Variants in RGS6 observed in about 807,000 individuals in gnomAD.
RGS6 encodes regulator of G-protein signaling 6.
A neutral mutation model predicts 78.5 loss-of-function variants in RGS6; 30 were observed. The observed-to-expected ratio is 0.38, with a 90% CI of 0.29 to 0.52. RGS6 has a LOEUF of 0.52. Ranked by LOEUF, RGS6 falls within the 20% of genes least tolerant of loss-of-function variation. The pLI is 0.85. For synonymous variants in RGS6, 206 were observed against 206.0 expected (o/e 1.00, Z 0.00); for missense variants, 495 against 609.7 (o/e 0.81, Z 1.98).
At chr14:72,573,393 C>T in the RGS6 span, among the ~76,000 whole-genome samples, 2,584 of 152,226 alleles carry the variant, frequency 0.017, 65 homozygotes, top group African/African-American at 0.058. Context: ...AGTTTATCTG[C>T]GGCAAATGTC....
chr14:72,293,802 A>G (rs2064134130), intron 2 of RGS6, among the ~76,000 whole-genome samples: 4 of 152,226 alleles, frequency 2.6e-5, no homozygotes, highest in Admixed American at 2.6e-4. Flanking sequence ...AGGCTTTGCA[A>G]ACCGTATAGT....
chr14:71,912,412 C>T, the RGS6 span, among the ~76,000 whole-genome samples: 1 of 152,108 alleles, frequency 6.6e-6, no homozygotes, highest in South Asian at 2.1e-4. Flanking sequence ...TGGTGACCAT[C>T]GTGTTCACAA....
At chr14:72,290,195 G>T (rs938477107) in intron 2 of RGS6, among the ~76,000 whole-genome samples, 3 of 152,154 alleles carry the variant, frequency 2.0e-5, no homozygotes, top group African/African-American at 7.2e-5. Flanking sequence ...CTTAGGACTG[G>T]ACTGATCTCC....
chr14:72,488,054 G>A (rs2096522276), intron 12 of RGS6, among the ~76,000 whole-genome samples: 1 of 152,124 alleles, frequency 6.6e-6, no homozygotes, highest in Non-Finnish European at 1.5e-5. Flanking sequence ...TTCAAAATAT[G>A]TATGCCCATC....
At chr14:72,105,973 G>A (rs969161513) in intron 2 of RGS6, among the ~76,000 whole-genome samples, 6 of 152,158 alleles carry the variant, frequency 3.9e-5, no homozygotes, top group African/African-American at 9.7e-5. Context: ...CGTCTTCAGC[G>A]TAGGTCCCAA....
At chr14:72,100,438 T>A (rs1044686121) in intron 2 of RGS6, among the ~76,000 whole-genome samples, 1 of 151,990 alleles carries the variant, frequency 6.6e-6, no homozygotes, top group South Asian at 2.1e-4. Context: ...GAGGTTACAG[T>A]GAGCCAAGAT....
rs559582452 is a variant in RGS6, at chr14:72,392,278, C to G, written c.184+40084C>G. Among the ~76,000 whole-genome samples, 6 of 152,194 alleles carry G rather than the reference C, an allele frequency of 3.9e-5. No individual in the cohort carries two copies. In the South Asian group the frequency reaches 1.2e-3, roughly 32 times the overall value. The stretch of plus-strand genomic sequence containing the variant: ...CTCTGTGAGGCTGTTGTCTTTACAT[C>G]TGACCATGAGATGTTGGAGCTTGAA... On this transcript the variant is annotated intron_variant, in intron 3 of 17. Transcript: ENST00000553525.
intron 13 of RGS6, among the ~76,000 whole-genome samples, chr14:72,498,765 T>C (rs894573766): frequency 6.6e-6 from 1 of 152,278 alleles, no homozygotes; most frequent in Middle Eastern, 3.4e-3. Context: ...GTCTGCATCT[T>C]GAGCAAGCAC....
chr14:72,268,917 G>C (rs11849202), intron 2 of RGS6, among the ~76,000 whole-genome samples: 58,408 of 152,116 alleles, frequency 0.38, 12,144 homozygotes, highest in Non-Finnish European at 0.47. Flanking sequence ...GAGAGGTTAA[G>C]TGACTTGCCC....
chr14:71,908,245 C>G, the RGS6 span: 1 of 152,248 alleles, frequency 6.6e-6, no homozygotes, highest in Non-Finnish European at 1.5e-5. Flanking sequence ...ACACCATCAT[C>G]ATGTTTGCCA....
chr14:72,160,706 T>C (rs996189621), intron 2 of RGS6, among the ~76,000 whole-genome samples: 3 of 152,138 alleles, frequency 2.0e-5, no homozygotes, highest in Non-Finnish European at 2.9e-5. Context: ...GGGATGCACA[T>C]GCATGGAGGA....
chr14:72,353,745 G>A (rs1037577169), intron 3 of RGS6, among the ~76,000 whole-genome samples: 9 of 152,252 alleles, frequency 5.9e-5, no homozygotes, highest in African/African-American at 2.2e-4. Flanking sequence ...CACTTTAGGA[G>A]GCTGAGGTAG....
intron 15 of RGS6, among the ~76,000 whole-genome samples, chr14:72,519,495 CA>C (rs989087081): frequency 6.6e-6 from 1 of 152,186 alleles, no homozygotes; most frequent in Non-Finnish European, 1.5e-5. Context: ...TGCACCAATG[CA>C]AATAATGGCA....
chr14:72,241,231 C>T (rs576052521), intron 2 of RGS6, among the ~76,000 whole-genome samples: 2 of 151,808 alleles, frequency 1.3e-5, no homozygotes, highest in African/African-American at 4.8e-5. Flanking sequence ...AAAAGCCTGG[C>T]ATTTTGTGTA....
intron 2 of RGS6, among the ~76,000 whole-genome samples, chr14:72,210,943 A>T (rs1371004701): frequency 1.3e-5 from 2 of 152,178 alleles, no homozygotes; most frequent in African/African-American, 4.8e-5. Context: ...AATACTTAAT[A>T]ACAAAATATC....
intron 2 of RGS6, among the ~76,000 whole-genome samples, chr14:72,348,921 C>A (rs902196512): frequency 1.3e-5 from 2 of 152,046 alleles, no homozygotes; most frequent in African/African-American, 4.8e-5. Flanking sequence ...AATCCCAGCA[C>A]TTTGGGAGGC....
At chr14:72,556,976 A>G (rs2097587001) in intron 17 of RGS6, among the ~76,000 whole-genome samples, 1 of 152,212 alleles carries the variant, frequency 6.6e-6, no homozygotes, top group Non-Finnish European at 1.5e-5. Flanking sequence ...CCCCTGCGAG[A>G]GTTGAGGAAG....
chr14:71,974,652 C>G (rs1301293212), intron 2 of RGS6, among the ~76,000 whole-genome samples: 2 of 152,138 alleles, frequency 1.3e-5, no homozygotes, highest in African/African-American at 4.8e-5. Context: ...TTTTAAAACC[C>G]TACAAGATTT....
At chr14:72,242,608 T>C (rs549853178) in intron 2 of RGS6, among the ~76,000 whole-genome samples, 21 of 152,208 alleles carry the variant, frequency 1.4e-4, no homozygotes, top group Non-Finnish European at 2.6e-4. Context: ...ACAGGTAAAT[T>C]ACCAGTAAGG....
Sources: allele counts gnomAD v4.1 joint callset (sites outside exome capture counted in the v4.1 genomes callset), GRCh38; gene constraint gnomAD v4.1.1; transcripts MANE v1.5; gene names NCBI Gene and HGNC (gene_info 2026-07-23, HGNC 2026-07-21).